The following ATF7IP variants were observed in gnomAD, a reference collection of about 807,000 sequenced individuals.
The protein encoded by ATF7IP is activating transcription factor 7-interacting protein 1.
Under a neutral mutation model 106.4 loss-of-function variants are expected in ATF7IP, and 23 were observed. That is an observed-to-expected ratio of 0.22 (90% CI 0.16 to 0.31). The LOEUF (loss-of-function observed/expected upper bound fraction) is 0.31. Among genes scored for constraint, ATF7IP ranks in the 10% least tolerant of loss-of-function variants. The pLI is 1.00. For missense variants in ATF7IP, 1,334 were observed against 1,524.3 expected, an observed-to-expected ratio of 0.88 and a Z score of 2.08; for synonymous variants, 542 against 539.0, an observed-to-expected ratio of 1.01 and a Z score of -0.08.
At chr12:14,385,749 A>AT (rs551867868) in intron 1 of ATF7IP, among the ~76,000 whole-genome samples, 16 of 150,212 alleles carry the variant, frequency 1.1e-4, no homozygotes, top group Middle Eastern at 3.4e-3. Flanking sequence ...ATCTGAATAG[A>AT]TTTTTTTTTT....
chr12:14,476,017 T>G (rs1944251913), intron 11 of ATF7IP, 49 bp downstream of exon 11: 2 of 1,367,490 alleles, frequency 1.5e-6, no homozygotes, highest in South Asian at 2.3e-5. Flanking sequence ...CCATTTTTTT[T>G]GTCTTAATAC....
intron 13 of ATF7IP, among the ~76,000 whole-genome samples, chr12:14,492,564 T>C (rs1038248418): frequency 6.6e-6 from 1 of 152,182 alleles, no homozygotes; most frequent in South Asian, 2.1e-4. Context: ...TAGTCTTTTG[T>C]CCATTTGACC....
intron 1 of ATF7IP, among the ~76,000 whole-genome samples, chr12:14,412,388 G>T (rs1940968074): frequency 6.6e-6 from 1 of 151,948 alleles, no homozygotes; most frequent in Non-Finnish European, 1.5e-5. Context: ...GACATCTTAA[G>T]GATTTGAGTC....
intron 14 of ATF7IP, among the ~76,000 whole-genome samples, chr12:14,497,261 A>G (rs1313022517): frequency 6.6e-6 from 1 of 152,242 alleles, no homozygotes; most frequent in East Asian, 1.9e-4. Context: ...CTTGGTTGCC[A>G]TACATGATAT....
At chr12:14,478,937 A>G (rs896750706) in intron 12 of ATF7IP, among the ~76,000 whole-genome samples, 3 of 152,208 alleles carry the variant, frequency 2.0e-5, no homozygotes, top group Non-Finnish European at 2.9e-5. Flanking sequence ...CTAATTTATA[A>G]TGTAAATCTC....
intron 13 of ATF7IP, among the ~76,000 whole-genome samples, chr12:14,488,469 G>T (rs1230302332): frequency 6.6e-6 from 1 of 152,108 alleles, no homozygotes; most frequent in African/African-American, 2.4e-5. Flanking sequence ...ACGTTTTTCT[G>T]CCTGCTTTAT....
chr12:14,399,681 G>C (rs1037183001), intron 1 of ATF7IP, among the ~76,000 whole-genome samples: 3 of 149,434 alleles, frequency 2.0e-5, no homozygotes, highest in Non-Finnish European at 4.5e-5. Flanking sequence ...TATTTCTTAT[G>C]TGTTTGTTTG....
intron 5 of ATF7IP, among the ~76,000 whole-genome samples, chr12:14,445,328 C>T (rs1942906054): frequency 2.0e-5 from 3 of 151,820 alleles, no homozygotes; most frequent in Admixed American, 6.6e-5. Context: ...GACATTCTCG[C>T]ATGAGCTGGG....
rs987742212 is a variant in ATF7IP at position 14,500,438 on chromosome 12, AATG to A, written c.*2372_*2374del. 7.6e-4 allele frequency: 116 copies of A among 152,320 alleles called. No individual in the cohort carries two copies. The highest frequency in any genetic ancestry group is 2.7e-3 in the African/African-American group (114 of 41,574). 9.4% of individuals were successfully genotyped at this position (152,320 alleles called of 1,614,324 possible). A position where few individuals can be genotyped will look rare whatever the true frequency, so the allele number is the denominator to read the frequency against. ...TGTAGATATTACTCATTCTAGGACT[AATG>A]ATGATGGTAAAGAAGTTGCCAGTGT... On this transcript the variant is annotated 3_prime_UTR_variant, in exon 15 of 15. Coordinates refer to ENST00000261168, the MANE Select transcript of ATF7IP (RefSeq NM_018179.5).
At chr12:14,374,272 A>ATTTTTTTTTTTTTTTTTTTTTTTT (rs563859251) in intron 1 of ATF7IP, among the ~76,000 whole-genome samples, 1 of 105,446 alleles carries the variant, frequency 9.5e-6, no homozygotes, top group African/African-American at 3.5e-5. Flanking sequence ...TAATTTTGTA[A>ATTTTTTTTTTTTTTTTTTTTTTTT]TTTTTTTTTT....
intron 1 of ATF7IP, among the ~76,000 whole-genome samples, chr12:14,371,485 A>T (rs1410890877): frequency 6.6e-6 from 1 of 152,190 alleles, no homozygotes; most frequent in African/African-American, 2.4e-5. Context: ...CTGGTTTATT[A>T]TTATACTTGG....
At chr12:14,367,197 TGAA>T (rs1486160948) in intron 1 of ATF7IP, 1 of 152,188 alleles carries the variant, frequency 6.6e-6, no homozygotes, top group East Asian at 1.9e-4. Flanking sequence ...TACTGTCAAA[TGAA>T]GACGTGCCTC....
chr12:14,478,207 T>C (rs950309897), intron 11 of ATF7IP, 110 bp from the exon 12 acceptor site: 14 of 962,814 alleles, frequency 1.5e-5, no homozygotes, highest in Non-Finnish European at 2.2e-5. Flanking sequence ...CTCTTAGAGG[T>C]AAATGTGACA....
chr12:14,426,158 GTACAT>G (rs1941837580), intron 2 of ATF7IP, among the ~76,000 whole-genome samples: 2 of 152,086 alleles, frequency 1.3e-5, no homozygotes, highest in Admixed American at 1.3e-4. Flanking sequence ...TATGTAAAAG[GTACAT>G]TAACTTTATG....
At chr12:14,415,725 G>T (rs1941169235) in intron 1 of ATF7IP, among the ~76,000 whole-genome samples, 5 of 147,598 alleles carry the variant, frequency 3.4e-5, no homozygotes, top group African/African-American at 5.0e-5. Context: ...AGGATAGCTA[G>T]TGACAGTTAT....
chr12:14,422,218 A>G (rs1186266751), intron 1 of ATF7IP, among the ~76,000 whole-genome samples: 1 of 152,104 alleles, frequency 6.6e-6, no homozygotes, highest in Non-Finnish European at 1.5e-5. Flanking sequence ...GAAAGCAGAT[A>G]TAAAACCAAG....
chr12:14,428,667 A>G (rs916668762), intron 2 of ATF7IP, among the ~76,000 whole-genome samples: 5 of 152,228 alleles, frequency 3.3e-5, no homozygotes, highest in African/African-American at 9.6e-5. Flanking sequence ...TCTTCCTTCT[A>G]GCTACTAACA....
chr12:14,380,737 A>T (rs1938969788), intron 1 of ATF7IP, among the ~76,000 whole-genome samples: 1 of 152,128 alleles, frequency 6.6e-6, no homozygotes, highest in African/African-American at 2.4e-5. Flanking sequence ...CTCCTGTCTC[A>T]GCCTCCCGAG....
chr12:14,391,768 C>T (rs1422387364), intron 1 of ATF7IP, among the ~76,000 whole-genome samples: 2 of 152,210 alleles, frequency 1.3e-5, no homozygotes, highest in Non-Finnish European at 2.9e-5. Flanking sequence ...GTTGCCCAAG[C>T]TGGAGTGCAA....
Sources: gnomAD v4.1 joint callset for allele counts (sites outside exome capture counted in the v4.1 genomes callset) on GRCh38, gnomAD v4.1.1 for gene constraint, MANE v1.5 for transcripts, NCBI Gene and HGNC (gene_info 2026-07-23, HGNC 2026-07-21) for gene names.